The following GYS2 variants were observed in gnomAD, a reference collection of about 807,000 sequenced individuals.
GYS2 encodes the protein glycogen synthase 2.
A neutral mutation model predicts 85.6 loss-of-function variants in GYS2; 80 were observed. The ratio of observed to expected loss-of-function variants is 0.93; its 90% CI spans 0.78 to 1.13. The LOEUF (loss-of-function observed/expected upper bound fraction) is 1.13, where lower values mean the gene tolerates loss of function less well. Ranked by LOEUF, GYS2 falls within the 50% of genes most tolerant of loss-of-function variation. The probability of loss-of-function intolerance (pLI) is 0.00; values close to 1 mark genes in which losing one functional copy is unlikely to be tolerated. For synonymous variants in GYS2, 328 were observed against 300.7 expected (o/e 1.09, Z -0.94); for missense variants, 881 against 854.9 (o/e 1.03, Z -0.38).
At chr12:21,565,106 T>A (rs1439247888) in intron 5 of GYS2, among the ~76,000 whole-genome samples, 5 of 152,122 alleles carry the variant, frequency 3.3e-5, no homozygotes, top group Non-Finnish European at 5.9e-5. Flanking sequence ...TGAAATTGTC[T>A]GTTCATTAGC....
intron 1 of GYS2, among the ~76,000 whole-genome samples, chr12:21,587,373 G>T (rs1489039816): frequency 1.3e-5 from 2 of 152,306 alleles, no homozygotes; most frequent in East Asian, 3.9e-4. Context: ...TTGAATTGTA[G>T]TTCCCATAAT....
At chr12:21,567,151 G>T (rs1944330603) in intron 5 of GYS2, among the ~76,000 whole-genome samples, 1 of 152,134 alleles carries the variant, frequency 6.6e-6, no homozygotes, top group African/African-American at 2.4e-5. Flanking sequence ...TTAGGCCAGA[G>T]TTGGAGGTCG....
At position 21,581,609 on chromosome 12, in the gene GYS2, G is replaced by A. The variant is rs369878037; in HGVS notation, c.122-1086C>T. On this transcript the variant is annotated intron_variant, in intron 1 of 15. Coordinates refer to ENST00000261195, the MANE Select transcript of GYS2 (RefSeq NM_021957.4). ...CAGCTTGTCCTGCTACACTAGAATCGTTCCTTAATTCTCTCCTCTAATATT... is the reference window on the plus strand; with the variant it reads ...CAGCTTGTCCTGCTACACTAGAATCATTCCTTAATTCTCTCCTCTAATATT... Among the ~76,000 whole-genome samples the A allele has an allele frequency of 7.2e-5, 11 of 152,252 alleles. No individual in the cohort carries two copies. In the South Asian group the frequency reaches 8.3e-4, roughly 11 times the overall value.
chr12:21,565,390 A>AATATATATATATATAT (rs55790137), intron 5 of GYS2, among the ~76,000 whole-genome samples: 5 of 73,656 alleles, frequency 6.8e-5, no homozygotes, highest in Non-Finnish European at 1.0e-4. Flanking sequence ...CCATCCATGA[A>AATATATATATATATAT]ATATATATAT....
chr12:21,563,319 C>T lies in GYS2; in HGVS notation c.850G>A (p.Val284Ile). The T allele has an allele frequency of 6.2e-7, 1 of 1,607,000 alleles. No homozygotes were observed. The highest frequency in any genetic ancestry group is 1.1e-5 in the South Asian group (1 of 90,926). The part of the protein sequence containing the change: ...PDVVTPNGLN[V>I]KKFSAVHEFQ... ...TCATGCACTGCTGAAAATTTCTTAA[C>T]ATTCAAGCCGTTTGGAGTAACTACA... The change falls in exon 6 of 16, where the codon GTT becomes ATT. Residue 284 changes from valine (V) to isoleucine (I), a missense_variant. By Grantham distance (29) the Val-to-Ile change is conservative. Coordinates refer to ENST00000261195, the MANE Select transcript of GYS2 (RefSeq NM_021957.4).
At position 21,574,241 on chromosome 12, in the gene GYS2, C is replaced by T. The variant is rs1163803477; in HGVS notation, c.581G>A (p.Arg194Lys). 1.9e-6 allele frequency: 3 copies of T among 1,613,730 alleles called. No homozygotes were observed. The South Asian group carries it at 3.3e-5, about 18-fold the overall frequency. ...AGIGLILSRA[R>K]KLPIATIFTT... ...AAATATTGTGGCAATAGGAAGTTTC[C>T]TGGCTCGAGAAAGGATCAGTCCAAT... The change falls in exon 4 of 16, where the codon AGG becomes AAG. Residue 194 changes from arginine (R) to lysine (K), a missense_variant. Transcript: ENST00000261195.
chr12:21,538,157 A>T (rs549028897), intron 15 of GYS2, among the ~76,000 whole-genome samples: 1 of 152,202 alleles, frequency 6.6e-6, no homozygotes, highest in Admixed American at 6.5e-5. Context: ...ACCACCTCTG[A>T]ATAAGCTAAG....
chr12:21,558,576 G>A (rs1320247015), intron 10 of GYS2, among the ~76,000 whole-genome samples: 3 of 152,056 alleles, frequency 2.0e-5, no homozygotes, highest in Non-Finnish European at 4.4e-5. Context: ...GATTGCTTCC[G>A]GGACTTATTT....
intron 1 of GYS2, among the ~76,000 whole-genome samples, chr12:21,594,143 A>G (rs1257680689): frequency 6.6e-6 from 1 of 152,196 alleles, no homozygotes; most frequent in East Asian, 1.9e-4. Flanking sequence ...AGCTAACATC[A>G]TACTGAATTG....
At chr12:21,544,508 G>T (rs1201680565) in intron 12 of GYS2, among the ~76,000 whole-genome samples, 1 of 152,102 alleles carries the variant, frequency 6.6e-6, no homozygotes, top group Non-Finnish European at 1.5e-5. Flanking sequence ...TCATGCATTT[G>T]GTTGTATACT....
chr12:21,541,369 AACAG>A (rs1266283584), intron 13 of GYS2, among the ~76,000 whole-genome samples: 2 of 151,704 alleles, frequency 1.3e-5, no homozygotes. Context: ...AGGGAATATG[AACAG>A]ACAGATAATG....
chr12:21,569,615 A>G lies in GYS2; in HGVS notation c.679-606T>C, dbSNP rs138926176. Reference sequence around the variant, plus strand: ...TAACTTAAAAAAAGTCAAATTCCCAACAATCACTTAAATAACTGGCAACAG... The same window carrying G: ...TAACTTAAAAAAAGTCAAATTCCCAGCAATCACTTAAATAACTGGCAACAG... On this transcript the variant is annotated intron_variant, in intron 4 of 15. Coordinates refer to ENST00000261195, the MANE Select transcript of GYS2 (RefSeq NM_021957.4). Among the ~76,000 whole-genome samples the G allele has an allele frequency of 1.5e-3, 235 of 152,350 alleles. 2 individuals carry two copies. In the Middle Eastern group the frequency reaches 0.02, roughly 13 times the overall value.
intron 10 of GYS2, among the ~76,000 whole-genome samples, chr12:21,558,557 G>A (rs1221365452): frequency 2.0e-5 from 3 of 151,884 alleles, no homozygotes; most frequent in African/African-American, 7.3e-5. Flanking sequence ...TGAGAGACCT[G>A]GACTTCTTGA....
At chr12:21,547,449 T>C (rs1282761570) in intron 11 of GYS2, among the ~76,000 whole-genome samples, 1 of 152,038 alleles carries the variant, frequency 6.6e-6, no homozygotes, top group Admixed American at 6.6e-5. Context: ...TAAAAAGAAA[T>C]GAGCTATCAA....
chr12:21,556,071 T>A (rs1179047319), intron 11 of GYS2, among the ~76,000 whole-genome samples: 1 of 152,268 alleles, frequency 6.6e-6, no homozygotes, highest in African/African-American at 2.4e-5. Context: ...CTTTTTATTT[T>A]CTGCTCTTTC....
At chr12:21,591,054 T>C (rs1250454368) in intron 1 of GYS2, among the ~76,000 whole-genome samples, 4 of 151,936 alleles carry the variant, frequency 2.6e-5, no homozygotes, top group Non-Finnish European at 4.4e-5. Flanking sequence ...GAGATATCAA[T>C]GCAAGAACAA....
chr12:21,556,729 C>T (rs1729549388), intron 11 of GYS2, among the ~76,000 whole-genome samples: 1 of 68,018 alleles, frequency 1.5e-5, no homozygotes, highest in South Asian at 6.1e-4. Flanking sequence ...TGGTTAAATA[C>T]TAAAGCCAAG....
chr12:21,588,477 A>G (rs879738180), intron 1 of GYS2, among the ~76,000 whole-genome samples: 13 of 152,264 alleles, frequency 8.5e-5, no homozygotes, highest in African/African-American at 2.9e-4. Flanking sequence ...TCATTAATTT[A>G]TAAAGGAGAA....
intron 5 of GYS2, among the ~76,000 whole-genome samples, chr12:21,565,587 T>G (rs1392963137): frequency 5.3e-5 from 8 of 150,108 alleles, no homozygotes; most frequent in Non-Finnish European, 1.0e-4. Flanking sequence ...TGATGTTAAA[T>G]TAGTTAAATT....
Sources: allele counts gnomAD v4.1 joint callset (sites outside exome capture counted in the v4.1 genomes callset), GRCh38; gene constraint gnomAD v4.1.1; transcripts MANE v1.5; gene names NCBI Gene and HGNC (gene_info 2026-07-23, HGNC 2026-07-21).